Variants in LDLRAD4 observed in about 807,000 individuals in gnomAD.
LDLRAD4 encodes the protein low-density lipoprotein receptor class A domain-containing protein 4.
A neutral mutation model predicts 17.0 loss-of-function variants in LDLRAD4; 5 were observed. The ratio of observed to expected loss-of-function variants is 0.29; its 90% CI spans 0.15 to 0.62. The LOEUF (loss-of-function observed/expected upper bound fraction) is 0.62, where lower values mean the gene tolerates loss of function less well. Ranked by LOEUF, LDLRAD4 falls within the 20% of genes least tolerant of loss-of-function variation. The pLI is 0.84. For synonymous variants in LDLRAD4, 168 were observed against 171.8 expected (o/e 0.98, Z 0.17); for missense variants, 340 against 424.7 (o/e 0.80, Z 1.75).
chr18:13,570,448 T>C (rs1050468644), intron 3 of LDLRAD4, among the ~76,000 whole-genome samples: 5 of 152,236 alleles, frequency 3.3e-5, no homozygotes, highest in Admixed American at 6.5e-5. Flanking sequence ...GGGGCATCCA[T>C]GGCACCCGAG....
In LDLRAD4 at chr18:13,271,665, C is replaced by A. The variant is rs193065912; in HGVS notation, c.-466-6440C>A. 3.3e-5 allele frequency among the ~76,000 whole-genome samples: 5 copies of A among 152,348 alleles called. No homozygotes were observed. The East Asian group carries it at 9.6e-4, about 29-fold the overall frequency. On this transcript the variant is annotated intron_variant, in intron 1 of 5. Coordinates refer to the LDLRAD4 transcript ENST00000399848. ...TTCCCTGAGGTTGGCCTTGTCCTGT[C>A]TTCCTGTAGATGGCTCTGGAATTTT...
At chr18:13,494,886 G>T (rs1023650971) in intron 3 of LDLRAD4, among the ~76,000 whole-genome samples, 4 of 148,462 alleles carry the variant, frequency 2.7e-5, no homozygotes, top group African/African-American at 1.0e-4. Context: ...GTCCTTCAAG[G>T]CCGCTTTTTC....
chr18:13,477,129 GA>G (rs33976541), intron 3 of LDLRAD4, among the ~76,000 whole-genome samples: 20,930 of 152,112 alleles, frequency 0.14, 4,172 homozygotes, highest in African/African-American at 0.44. Flanking sequence ...ATGAAACAAG[GA>G]ATACCAGGAG....
intron 1 of LDLRAD4, among the ~76,000 whole-genome samples, chr18:13,334,906 G>T (rs1372066747): frequency 6.6e-6 from 1 of 152,098 alleles, no homozygotes; most frequent in Non-Finnish European, 1.5e-5. Context: ...TGAATTTTAT[G>T]TCATAGCTTT....
At chr18:13,450,179 G>A (rs998817246) in intron 3 of LDLRAD4, among the ~76,000 whole-genome samples, 6 of 152,090 alleles carry the variant, frequency 3.9e-5, no homozygotes, top group Admixed American at 2.0e-4. Context: ...AGGCCTACCC[G>A]TGCCTCCCAC....
intron 1 of LDLRAD4, among the ~76,000 whole-genome samples, chr18:13,378,954 G>A (rs185240976): frequency 5.9e-5 from 9 of 152,332 alleles, no homozygotes; most frequent in Middle Eastern, 3.4e-3. Context: ...CGATTTCATC[G>A]GCCATCTGCT....
intron 3 of LDLRAD4, chr18:13,612,778 C>T (rs780319727): frequency 1.2e-6 from 2 of 1,614,036 alleles, no homozygotes; most frequent in South Asian, 1.1e-5. Context: ...AAAAAAGGTA[C>T]ATTTCCCAAG....
rs561933163 is a variant in LDLRAD4 at position 13,449,286 on chromosome 18, T to C, written c.181+10902T>C. Among the ~76,000 whole-genome samples the C allele has an allele frequency of 5.3e-5, 8 of 152,302 alleles. No homozygotes were observed. The East Asian group carries it at 1.5e-3, about 29-fold the overall frequency. ...TTCTTGCCCTAGACCCTTTGCTTGCTGTTCACACCAGGACCATCCACTCAG... is the reference window on the plus strand; with the variant it reads ...TTCTTGCCCTAGACCCTTTGCTTGCCGTTCACACCAGGACCATCCACTCAG... On this transcript the variant is annotated intron_variant, in intron 3 of 5. Transcript: ENST00000359446.
At chr18:13,302,885 A>G (rs1373129910) in intron 1 of LDLRAD4, among the ~76,000 whole-genome samples, 4 of 152,222 alleles carry the variant, frequency 2.6e-5, no homozygotes, top group Non-Finnish European at 5.9e-5. Context: ...TGTTACATGC[A>G]GTGCAGTTAT....
chr18:13,236,905 G>T (rs140935349), intron 1 of LDLRAD4, among the ~76,000 whole-genome samples: 2 of 152,302 alleles, frequency 1.3e-5, no homozygotes, highest in East Asian at 1.9e-4. Flanking sequence ...TGGAACCAGC[G>T]TGGTTCCATC....
chr18:13,436,431 T>C (rs1178259933), intron 2 of LDLRAD4, among the ~76,000 whole-genome samples: 1 of 152,242 alleles, frequency 6.6e-6, no homozygotes, highest in Non-Finnish European at 1.5e-5. Flanking sequence ...TTGAATATGG[T>C]AGTCTAACCT....
intron 3 of LDLRAD4, among the ~76,000 whole-genome samples, chr18:13,572,602 A>G (rs2094708823): frequency 6.6e-6 from 1 of 152,220 alleles, no homozygotes; most frequent in African/African-American, 2.4e-5. Context: ...AGGGAAGGGA[A>G]GAGTCAGCGG....
chr18:13,533,558 A>C (rs2094159603), intron 3 of LDLRAD4, among the ~76,000 whole-genome samples: 1 of 152,184 alleles, frequency 6.6e-6, no homozygotes. Flanking sequence ...TGTGGATTTG[A>C]TTTAAATATA....
upstream of LDLRAD4, chr18:13,218,070 C>G (rs556235036): frequency 2.0e-5 from 3 of 151,984 alleles, no homozygotes; most frequent in Admixed American, 6.6e-5. Flanking sequence ...GCAGTCCCCG[C>G]CTCCGCTCCG....
intron 4 of LDLRAD4, among the ~76,000 whole-genome samples, chr18:13,638,692 C>T (rs1264715572): frequency 6.6e-6 from 1 of 152,192 alleles, no homozygotes; most frequent in Non-Finnish European, 1.5e-5. Flanking sequence ...AGTAACGTAA[C>T]TTAAAAAGTA....
intron 3 of LDLRAD4, among the ~76,000 whole-genome samples, chr18:13,566,412 G>C (rs1042437704): frequency 6.7e-6 from 1 of 149,480 alleles, no homozygotes; most frequent in East Asian, 2.0e-4. Context: ...TGCCAGGCTG[G>C]AGTGCAGTGG....
chr18:13,474,343 C>A (rs1393840088), intron 3 of LDLRAD4, among the ~76,000 whole-genome samples: 1 of 151,946 alleles, frequency 6.6e-6, no homozygotes, highest in Non-Finnish European at 1.5e-5. Flanking sequence ...CCTTGGGCTG[C>A]ACATTTCCTA....
intron 1 of LDLRAD4, among the ~76,000 whole-genome samples, chr18:13,226,518 A>G (rs1480616525): frequency 6.6e-6 from 1 of 152,044 alleles, no homozygotes; most frequent in African/African-American, 2.4e-5. Context: ...CAAATTTGGC[A>G]GTAAATGATA....
chr18:13,557,071 G>A (rs142130301), intron 3 of LDLRAD4, among the ~76,000 whole-genome samples: 64 of 152,188 alleles, frequency 4.2e-4, no homozygotes, highest in African/African-American at 1.4e-3. Context: ...AAGGCAGGAG[G>A]ATCACTTGAG....
Sources: allele counts gnomAD v4.1 joint callset (sites outside exome capture counted in the v4.1 genomes callset), GRCh38; gene constraint gnomAD v4.1.1; transcripts MANE v1.5; gene names NCBI Gene and HGNC (gene_info 2026-07-23, HGNC 2026-07-21).